The following B3GLCT variants were observed in gnomAD, a reference collection of about 807,000 sequenced individuals.
The protein encoded by B3GLCT is beta-1,3-glucosyltransferase.
In B3GLCT, 65 loss-of-function variants were observed where a neutral mutation model predicts 63.4. The ratio of observed to expected loss-of-function variants is 1.03; its 90% CI spans 0.84 to 1.26. The LOEUF is 1.26. Ranked by LOEUF, B3GLCT falls within the 50% of genes most tolerant of loss-of-function variation. The pLI, the probability that B3GLCT is intolerant of heterozygous loss-of-function variation, is 0.00. For missense variants in B3GLCT, 577 were observed against 604.8 expected, an observed-to-expected ratio of 0.95 and a Z score of 0.48; for synonymous variants, 233 against 219.2, an observed-to-expected ratio of 1.06 and a Z score of -0.55.
At chr13:31,326,607 C>A (rs1875639490) in intron 14 of B3GLCT, among the ~76,000 whole-genome samples, 1 of 151,946 alleles carries the variant, frequency 6.6e-6, no homozygotes. Flanking sequence ...CAGTTTCAGC[C>A]CCTCTCTCTT....
intron 13 of B3GLCT, 139 bp from the exon 14 acceptor site, chr13:31,323,611 AC>A: frequency 1.1e-6 from 1 of 934,812 alleles, no homozygotes; most frequent in South Asian, 1.3e-5. Flanking sequence ...GTAGGGTTTT[AC>A]CTAGAGCTCA....
At chr13:31,213,242 T>C (rs1168871879) in intron 1 of B3GLCT, among the ~76,000 whole-genome samples, 1 of 152,214 alleles carries the variant, frequency 6.6e-6, no homozygotes, top group African/African-American at 2.4e-5. Flanking sequence ...TAAATATTTA[T>C]TGAGTTTCTT....
At chr13:31,289,312 T>A (rs1873522558) in intron 12 of B3GLCT, among the ~76,000 whole-genome samples, 1 of 152,090 alleles carries the variant, frequency 6.6e-6, no homozygotes, top group South Asian at 2.1e-4. Context: ...ATCAAAAACT[T>A]TAGAAATCCT....
At chr13:31,222,064 T>G (rs1010822339) in intron 2 of B3GLCT, among the ~76,000 whole-genome samples, 7 of 149,310 alleles carry the variant, frequency 4.7e-5, no homozygotes, top group African/African-American at 1.7e-4. Context: ...GTGCCCCTTC[T>G]GTGCTCCTGA....
chr13:31,237,715 G>A (rs749478089), intron 4 of B3GLCT, among the ~76,000 whole-genome samples: 3 of 152,208 alleles, frequency 2.0e-5, no homozygotes, highest in Admixed American at 6.5e-5. Context: ...TCCGTCAGCT[G>A]TGGGAGCTGA....
At chr13:31,321,697 G>T (rs1875336825) in intron 13 of B3GLCT, among the ~76,000 whole-genome samples, 1 of 152,160 alleles carries the variant, frequency 6.6e-6, no homozygotes, top group African/African-American at 2.4e-5. Flanking sequence ...CAGACATGTA[G>T]GTTCCTGTGG....
Position 31,286,708 on chromosome 13 carries a change from T to C in B3GLCT, c.965-12T>C. 2 of 1,563,426 alleles carry C rather than the reference T, an allele frequency of 1.3e-6. No homozygotes were observed. Among genetic ancestry groups the C allele is most frequent in the Non-Finnish European group, 1.8e-6 (2 of 1,134,504 alleles). On this transcript the variant is annotated splice_polypyrimidine_tract_variant and intron_variant, in intron 11 of 14. Transcript: ENST00000343307. ...AATAATACATTGTAAGTTTTTTTCT[T>C]GCCTTTTCTAGGTCATTGTGGAAAG...
intron 13 of B3GLCT, among the ~76,000 whole-genome samples, chr13:31,320,788 T>C (rs1875294745): frequency 6.6e-6 from 1 of 152,210 alleles, no homozygotes; most frequent in South Asian, 2.1e-4. Context: ...TCTGAAGCAC[T>C]ATTTTTTTCC....
intron 7 of B3GLCT, among the ~76,000 whole-genome samples, chr13:31,261,409 C>A (rs1297255572): frequency 6.6e-6 from 1 of 152,186 alleles, no homozygotes; most frequent in African/African-American, 2.4e-5. Context: ...AAGGGATCTA[C>A]TTAGCTATAG....
chr13:31,322,868 C>T (rs1875401206), intron 13 of B3GLCT, among the ~76,000 whole-genome samples: 1 of 152,156 alleles, frequency 6.6e-6, no homozygotes, highest in African/African-American at 2.4e-5. Flanking sequence ...CCCAACGTGG[C>T]CGATTGGGTG....
intron 3 of B3GLCT, among the ~76,000 whole-genome samples, chr13:31,225,053 A>G (rs940076801): frequency 1.3e-5 from 2 of 152,128 alleles, no homozygotes; most frequent in Non-Finnish European, 2.9e-5. Flanking sequence ...TCTGCCACTC[A>G]CCATTGGCTT....
intron 7 of B3GLCT, among the ~76,000 whole-genome samples, chr13:31,262,612 C>T (rs189803188): frequency 5.9e-5 from 9 of 152,304 alleles, no homozygotes; most frequent in Admixed American, 5.9e-4. Flanking sequence ...TGGTTTGCTA[C>T]AGCTTGAGGA....
In B3GLCT at chr13:31,329,705, T is replaced by TG; in HGVS notation, c.*38dup. ...CTGTGCGCCTAGCCTGCGCAGGGAATGAACTGGAGACTGTGGCCTCATCCC... is the reference window on the plus strand; with the variant it reads ...CTGTGCGCCTAGCCTGCGCAGGGAATGGAACTGGAGACTGTGGCCTCATCCC... On this transcript the variant is annotated 3_prime_UTR_variant, in exon 15 of 15. Transcript: ENST00000343307. 1 of 1,609,344 alleles carries TG rather than the reference T, an allele frequency of 6.2e-7. No homozygotes were observed. The highest frequency in any genetic ancestry group is 8.5e-7 in the Non-Finnish European group (1 of 1,176,590).
intron 8 of B3GLCT, among the ~76,000 whole-genome samples, chr13:31,272,702 G>A (rs1872625114): frequency 6.6e-6 from 1 of 152,072 alleles, no homozygotes; most frequent in South Asian, 2.1e-4. Context: ...GAGGGCCTTA[G>A]GATAATTTAA....
intron 4 of B3GLCT, among the ~76,000 whole-genome samples, chr13:31,240,467 G>GTTTTTTT (rs146603707): frequency 1.3e-4 from 17 of 129,770 alleles, no homozygotes; most frequent in Non-Finnish European, 2.0e-4. Context: ...TGCCTCTTTA[G>GTTTTTTT]TTTTTTTTTT....
intron 6 of B3GLCT, among the ~76,000 whole-genome samples, chr13:31,254,293 C>T (rs1032126284): frequency 1.8e-4 from 28 of 152,174 alleles, no homozygotes; most frequent in African/African-American, 5.1e-4. Context: ...GCTGGCAAAT[C>T]GAATCCGGCA....
At chr13:31,318,721 G>A (rs940245880) in intron 13 of B3GLCT, among the ~76,000 whole-genome samples, 6 of 151,978 alleles carry the variant, frequency 3.9e-5, no homozygotes, top group African/African-American at 1.5e-4. Flanking sequence ...TTACTGTAAT[G>A]CATCGGGCTT....
At chr13:31,286,587 A>T (rs1007401344) in intron 11 of B3GLCT, 133 bp from the exon 12 acceptor site, 5 of 627,312 alleles carry the variant, frequency 8.0e-6, no homozygotes, top group African/African-American at 7.4e-5. Flanking sequence ...GGCTATTTTT[A>T]AAAATTTTGA....
At chr13:31,285,324 A>T (rs1245622934) in intron 11 of B3GLCT, among the ~76,000 whole-genome samples, 1 of 152,154 alleles carries the variant, frequency 6.6e-6, no homozygotes, top group Admixed American at 6.5e-5. Flanking sequence ...AGAGTAGAAG[A>T]GGGGCGAGGG....
Sources: gnomAD v4.1 joint callset for allele counts (sites outside exome capture counted in the v4.1 genomes callset) on GRCh38, gnomAD v4.1.1 for gene constraint, MANE v1.5 for transcripts, NCBI Gene and HGNC (gene_info 2026-07-23, HGNC 2026-07-21) for gene names.